Variants in SHISA3 observed in about 807,000 individuals in gnomAD.
SHISA3 encodes the protein shisa family member 3.
Under a neutral mutation model 19.2 loss-of-function variants are expected in SHISA3, and 15 were observed. The ratio of observed to expected loss-of-function variants is 0.78; its 90% CI spans 0.52 to 1.20. The LOEUF is 1.20. Ranked by LOEUF, SHISA3 falls within the 50% of genes most tolerant of loss-of-function variation. The pLI is 0.00. For missense variants in SHISA3, 327 were observed against 315.7 expected, an observed-to-expected ratio of 1.04 and a Z score of -0.27; for synonymous variants, 145 against 135.2, an observed-to-expected ratio of 1.07 and a Z score of -0.50.
In SHISA3 at chr4:42,401,455, G is replaced by A. The variant is rs911631216; in HGVS notation, c.*4G>A. 1.3e-6 allele frequency: 2 copies of A among 1,558,942 alleles called. No individual in the cohort carries two copies. The highest frequency in any genetic ancestry group is 1.7e-6 in the Non-Finnish European group (2 of 1,154,014). ...TCCAGACTTCAGTTCCAGTTGACACGCCCAGGCCATGAATCCACAACTCAG... is the reference window on the plus strand; with the variant it reads ...TCCAGACTTCAGTTCCAGTTGACACACCCAGGCCATGAATCCACAACTCAG... On this transcript the variant is annotated 3_prime_UTR_variant, in exon 2 of 2. Coordinates refer to ENST00000319234, the MANE Select transcript of SHISA3 (RefSeq NM_001080505.3).
chr4:42,400,834 C>G (rs1711888586), intron 1 of SHISA3, among the ~76,000 whole-genome samples, 178 bp from the exon 2 acceptor site: 1 of 151,978 alleles, frequency 6.6e-6, no homozygotes, highest in African/African-American at 2.4e-5. Context: ...GAGAATATTC[C>G]ATCATCACGG....
At position 42,401,512 on chromosome 4, in the gene SHISA3, A is replaced by C. The variant is rs1711923671; in HGVS notation, c.*61A>C. ...GGCAGACAGGTGGAGCCCTGCTCCC[A>C]TTGCCACATGCAATTCTGAGAAAAT... On this transcript the variant is annotated 3_prime_UTR_variant, in exon 2 of 2. Transcript: ENST00000319234. The C allele has an allele frequency of 7.4e-6, 11 of 1,495,072 alleles. No individual in the cohort carries two copies. The highest frequency in any genetic ancestry group is 9.9e-6 in the Non-Finnish European group (11 of 1,113,664). 92.6% of individuals were successfully genotyped at this position (1,495,072 alleles called of 1,614,324 possible).
chr4:42,400,850 A>C (rs1359692475), intron 1 of SHISA3, among the ~76,000 whole-genome samples, 162 bp from the exon 2 acceptor site: 1 of 151,884 alleles, frequency 6.6e-6, no homozygotes, highest in East Asian at 1.9e-4. Flanking sequence ...CACGGTTTGC[A>C]TTGCATTTTG....
Position 42,401,496 on chromosome 4 carries a change from GTGGAGCCCTGCTCCCAT to G in SHISA3, c.*48_*64del, listed in dbSNP as rs1711923233. 1 of 1,525,548 alleles carries G rather than the reference GTGGAGCCCTGCTCCCAT, an allele frequency of 6.6e-7. No individual in the cohort carries two copies. The highest frequency in any genetic ancestry group is 2.1e-5 in the Admixed American group (1 of 46,692). The allele number at this position is 1,525,548 out of a possible 1,614,324, so 94.5% of individuals were successfully genotyped here. A position where few individuals can be genotyped will look rare whatever the true frequency, so the allele number is the denominator to read the frequency against. ...CACAACTCAGTCAGATGGCAGACAGGTGGAGCCCTGCTCCCATTGCCACATGCAATTCTGAGAAAATT... is the reference window on the plus strand; with the variant it reads ...CACAACTCAGTCAGATGGCAGACAGGTGCCACATGCAATTCTGAGAAAATT... On this transcript the variant is annotated 3_prime_UTR_variant, in exon 2 of 2. Transcript: ENST00000319234.
Position 42,398,264 on chromosome 4 carries a change from G to T in SHISA3, c.208G>T (p.Asp70Tyr). The change falls in exon 1 of 2, where the codon GAC (aspartate) becomes TAC (tyrosine). Residue 70 changes from aspartate to tyrosine, a missense_variant. Coordinates refer to ENST00000319234, the MANE Select transcript of SHISA3 (RefSeq NM_001080505.3). ...CALRYCCAAA[D>Y]ARLEQGGCTN... is the part of the protein sequence containing the mutation. ...GCTCCGCTACTGTTGCGCCGCGGCC[G>T]ACGCCAGGCTGGAGCAGGGCGGCTG... is the stretch of plus-strand genomic sequence containing the variant. 3.8e-6 allele frequency: 6 copies of T among 1,569,142 alleles called. No individual in the cohort carries two copies. The highest frequency in any genetic ancestry group is 5.2e-6 in the Non-Finnish European group (6 of 1,157,628).
At chr4:42,399,300 CG>C (rs1232355295) in intron 1 of SHISA3, among the ~76,000 whole-genome samples, 2 of 152,156 alleles carry the variant, frequency 1.3e-5, no homozygotes, top group Non-Finnish European at 2.9e-5. Flanking sequence ...GGTTCCCCAA[CG>C]GCCCCTCCCC....
rs1711783671 is a variant in SHISA3, at chr4:42,397,884, C to A, written c.-173C>A. 2 of 584,004 alleles carry A rather than the reference C, an allele frequency of 3.4e-6. No homozygotes were observed. Among genetic ancestry groups the A allele is most frequent in the South Asian group, 2.3e-5 (1 of 42,680 alleles). The allele number at this position is 584,004 out of a possible 1,614,324, so 36.2% of individuals were successfully genotyped here. A position where few individuals can be genotyped will look rare whatever the true frequency, so the allele number is the denominator to read the frequency against. ...GGCCTGCGGAACTCGTAGTGCAGCC[C>A]CTGTCGCCTCCCCGGCCCCTGCTAT... On this transcript the variant is annotated 5_prime_UTR_variant, in exon 1 of 2. Transcript: ENST00000319234.
chr4:42,401,542 C>A lies in SHISA3; in HGVS notation c.*91C>A. 7.2e-7 allele frequency: 1 copy of A among 1,383,860 alleles called. No homozygotes were observed. Among genetic ancestry groups the A allele is most frequent in the South Asian group, 1.4e-5 (1 of 70,814 alleles). The allele number at this position is 1,383,860 out of a possible 1,614,324, so 85.7% of individuals were successfully genotyped here. On this transcript the variant is annotated 3_prime_UTR_variant, in exon 2 of 2. Transcript: ENST00000319234. Reference sequence around the variant, plus strand: ...CACATGCAATTCTGAGAAAATTTCCCTTGTAACTGATCAGTGTCATGGAGG... The same window carrying A: ...CACATGCAATTCTGAGAAAATTTCCATTGTAACTGATCAGTGTCATGGAGG...
chr4:42,401,260 C>T lies in SHISA3; in HGVS notation c.526C>T (p.Arg176Cys), dbSNP rs145865455. The change falls in exon 2 of 2, where the codon CGC becomes TGC. Residue 176 changes from arginine to cysteine, a missense_variant. Arg to Cys is a radical substitution (Grantham distance 180, BLOSUM62 -3). Coordinates refer to ENST00000319234, the MANE Select transcript of SHISA3 (RefSeq NM_001080505.3). Reference sequence around the variant, plus strand: ...CTCCAGCTCCACAGGCGGCTCCATCCGCAGGTTCTCCTTTGCCAGGGCTGA... The same window carrying T: ...CTCCAGCTCCACAGGCGGCTCCATCTGCAGGTTCTCCTTTGCCAGGGCTGA... ...TSSSSTGGSI[R>C]RFSFARAEPG... is the part of the protein sequence containing the mutation. 7.4e-6 allele frequency: 12 copies of T among 1,614,176 alleles called. No individual in the cohort carries two copies. Among genetic ancestry groups the T allele is most frequent in the African/African-American group, 6.7e-5 (5 of 75,074 alleles).
chr4:42,400,939 G>A (rs1312110197), intron 1 of SHISA3, 73 bp from the exon 2 acceptor site: 3 of 1,492,450 alleles, frequency 2.0e-6, no homozygotes, highest in African/African-American at 1.4e-5. Context: ...TCAACCCTCA[G>A]CTGCCCAAGC....
chr4:42,401,503 C>T lies in SHISA3; in HGVS notation c.*52C>T. The T allele has an allele frequency of 6.6e-7, 1 of 1,511,336 alleles. No individual in the cohort carries two copies. The highest frequency in any genetic ancestry group is 8.9e-7 in the Non-Finnish European group (1 of 1,126,892). The allele number at this position is 1,511,336 out of a possible 1,614,324, so 93.6% of individuals were successfully genotyped here. On this transcript the variant is annotated 3_prime_UTR_variant, in exon 2 of 2. Transcript: ENST00000319234. ...CAGTCAGATGGCAGACAGGTGGAGC[C>T]CTGCTCCCATTGCCACATGCAATTC... is the stretch of plus-strand genomic sequence containing the variant.
chr4:42,400,891 G>A (rs1711890479), intron 1 of SHISA3, 121 bp from the exon 2 acceptor site: 6 of 967,026 alleles, frequency 6.2e-6, no homozygotes, highest in African/African-American at 1.6e-5. Context: ...CTGAAAAACT[G>A]AGCTGACAGC....
Position 42,398,334 on chromosome 4 carries a change from G to C in SHISA3, c.277+1G>C, listed in dbSNP as rs375766547. The stretch of plus-strand genomic sequence containing the variant: ...CTGGAGCACCCAGGCATCACTGCGC[G>C]TAAGTGCGGGGCCCTCGGGGACATA... On this transcript the variant is annotated splice_donor_variant, in intron 1 of 1. Transcript: ENST00000319234. LOFTEE classifies it high-confidence loss of function. 3 of 1,544,902 alleles carry C rather than the reference G, an allele frequency of 1.9e-6. No individual in the cohort carries two copies. Among genetic ancestry groups the C allele is most frequent in the East Asian group, 2.4e-5 (1 of 41,330 alleles).
At chr4:42,400,596 C>T (rs1239893516) in intron 1 of SHISA3, among the ~76,000 whole-genome samples, 1 of 152,092 alleles carries the variant, frequency 6.6e-6, no homozygotes, top group Non-Finnish European at 1.5e-5. Context: ...AGATGGATTG[C>T]CAGCCTAAGA....
chr4:42,398,268 C>G lies in SHISA3; in HGVS notation c.212C>G (p.Ala71Gly), dbSNP rs938802351. 1.9e-6 allele frequency: 3 copies of G among 1,568,464 alleles called. No individual in the cohort carries two copies. The highest frequency in any genetic ancestry group is 2.3e-5 in the South Asian group (2 of 85,622). The change falls in exon 1 of 2, where the codon GCC becomes GGC. Residue 71 changes from alanine to glycine, a missense_variant. Ala to Gly is a moderately conservative substitution (Grantham distance 60). Coordinates refer to ENST00000319234, the MANE Select transcript of SHISA3 (RefSeq NM_001080505.3). ...ALRYCCAAADARLEQGGCTND... is the reference protein window; with the variant it reads ...ALRYCCAAADGRLEQGGCTND... ...CGCTACTGTTGCGCCGCGGCCGACG[C>G]CAGGCTGGAGCAGGGCGGCTGCACC...
Position 42,401,983 on chromosome 4 carries a change from A to C in SHISA3, c.*532A>C, listed in dbSNP as rs1003556159. 3.3e-5 allele frequency: 5 copies of C among 152,404 alleles called. No homozygotes were observed. Among genetic ancestry groups the C allele is most frequent in the African/African-American group, 1.2e-4 (5 of 41,472 alleles). The allele number at this position is 152,404 out of a possible 1,614,324, so 9.4% of individuals were successfully genotyped here. On this transcript the variant is annotated 3_prime_UTR_variant, in exon 2 of 2. Transcript: ENST00000319234. ...AACCATGAATAATATTAGCATAATG[A>C]GAACATTTACTTTTTAAATAAATAA... is the stretch of plus-strand genomic sequence containing the variant.
Position 42,397,505 on chromosome 4 carries a change from T to A in SHISA3, c.-552T>A, listed in dbSNP as rs1375899960. ...GAGCTGTCAGCAACCCCGCGGCCGTTTGTACTTGGCCGCGGCGGAGCTGAC... is the reference window on the plus strand; with the variant it reads ...GAGCTGTCAGCAACCCCGCGGCCGTATGTACTTGGCCGCGGCGGAGCTGAC... On this transcript the variant is annotated 5_prime_UTR_variant, in exon 1 of 2. It adds an upstream start codon to the 5' untranslated region. Transcript: ENST00000319234. 2.6e-5 allele frequency among the ~76,000 whole-genome samples: 4 copies of A among 151,812 alleles called. No individual in the cohort carries two copies. The highest frequency in any genetic ancestry group is 4.4e-5 in the Non-Finnish European group (3 of 67,940).
At position 42,397,700 on chromosome 4, in the gene SHISA3, T is replaced by G; in HGVS notation, c.-357T>G. The G allele has an allele frequency of 2.9e-5, 7 of 241,158 alleles. No individual in the cohort carries two copies. Among genetic ancestry groups the G allele is most frequent in the East Asian group, 1.0e-4 (1 of 9,948 alleles). 14.9% of individuals were successfully genotyped at this position (241,158 alleles called of 1,614,324 possible). A position where few individuals can be genotyped will look rare whatever the true frequency, so the allele number is the denominator to read the frequency against. On this transcript the variant is annotated 5_prime_UTR_variant, in exon 1 of 2. Transcript: ENST00000319234. Reference sequence around the variant, plus strand: ...GCAGCCCCGGGCGCTATGGCTCCCTTGAGGAGTGGGGAGGGAGGTGGCCGG... The same window carrying G: ...GCAGCCCCGGGCGCTATGGCTCCCTGGAGGAGTGGGGAGGGAGGTGGCCGG...
chr4:42,397,787 C>T lies in SHISA3; in HGVS notation c.-270C>T, dbSNP rs1044410064. On this transcript the variant is annotated 5_prime_UTR_variant, in exon 1 of 2. Coordinates refer to ENST00000319234, the MANE Select transcript of SHISA3 (RefSeq NM_001080505.3). ...GCCGGGCGAAGGGCGGCAGCGACAG[C>T]CCCAGCAACTGCCTCTGCCGGCGCC... 7.1e-6 allele frequency: 3 copies of T among 421,696 alleles called. No individual in the cohort carries two copies. The highest frequency in any genetic ancestry group is 4.0e-5 in the East Asian group (1 of 25,176). The allele number at this position is 421,696 out of a possible 1,614,324, so 26.1% of individuals were successfully genotyped here. A position where few individuals can be genotyped will look rare whatever the true frequency, so the allele number is the denominator to read the frequency against.
Sources: gnomAD v4.1 joint callset for allele counts (sites outside exome capture counted in the v4.1 genomes callset) on GRCh38, gnomAD v4.1.1 for gene constraint, MANE v1.5 for transcripts, NCBI Gene and HGNC (gene_info 2026-07-23, HGNC 2026-07-21) for gene names.